Variants in LRMDA observed in about 807,000 individuals in gnomAD.
LRMDA encodes leucine rich melanocyte differentiation associated, also known as leucine-rich melanocyte differentiation-associated protein.
In LRMDA, 18 loss-of-function variants were observed where a neutral mutation model predicts 29.8. The observed-to-expected ratio is 0.60, with a 90% CI of 0.42 to 0.90. The LOEUF (loss-of-function observed/expected upper bound fraction) is 0.90. Among genes scored for constraint, LRMDA ranks in the 40% least tolerant of loss-of-function variants. The probability of loss-of-function intolerance (pLI) is 0.00; values close to 1 mark genes in which losing one functional copy is unlikely to be tolerated. For missense variants in LRMDA, 273 were observed against 273.9 expected, an observed-to-expected ratio of 1.00 and a Z score of 0.02; for synonymous variants, 125 against 109.4, an observed-to-expected ratio of 1.14 and a Z score of -0.89.
chr10:76,514,932 G>C lies in LRMDA; in HGVS notation c.602-42277G>C, dbSNP rs147067725. Among the ~76,000 whole-genome samples the C allele has an allele frequency of 9.8e-3, 1,489 of 152,248 alleles. 16 individuals are homozygous for C. The highest frequency in any genetic ancestry group is 0.015 in the Non-Finnish European group (1,018 of 68,018). On this transcript the variant is annotated intron_variant, in intron 6 of 6. Coordinates refer to ENST00000611255, the MANE Select transcript of LRMDA (RefSeq NM_001305581.2). ...CTACTACCTCTACCTGCACAAGAAC[G>C]AAGAAAGTTCTTGCCTATAAAACTG...
At chr10:75,931,544 C>T (rs994150421) in intron 2 of LRMDA, among the ~76,000 whole-genome samples, 8 of 152,160 alleles carry the variant, frequency 5.3e-5, no homozygotes, top group Admixed American at 2.0e-4. Flanking sequence ...ATGGGATTGC[C>T]AAAATACTTC....
chr10:75,564,366 C>T lies in LRMDA; in HGVS notation c.131+125872C>T, dbSNP rs535904621. Among the ~76,000 whole-genome samples the T allele has an allele frequency of 1.2e-4, 18 of 152,238 alleles. No individual in the cohort carries two copies. The South Asian group carries it at 2.7e-3, about 23-fold the overall frequency. On this transcript the variant is annotated intron_variant, in intron 2 of 6. Transcript: ENST00000611255. ...TGTGGGATATAATCTCCTGGTGTGC[C>T]GTTTTTTAAGCCCTTTGGAAAAGCG...
intron 2 of LRMDA, among the ~76,000 whole-genome samples, chr10:75,772,855 TG>T (rs1311922254): frequency 1.4e-3 from 13 of 9,048 alleles, no homozygotes; most frequent in South Asian, 6.0e-3. Flanking sequence ...TCTTATTTTT[TG>T]GGGGGGGTGG....
intron 6 of LRMDA, among the ~76,000 whole-genome samples, chr10:76,409,799 A>T (rs1841938948): frequency 6.6e-6 from 1 of 152,234 alleles, no homozygotes; most frequent in South Asian, 2.1e-4. Flanking sequence ...AATGCTTGCT[A>T]CTTACTGGGC....
chr10:75,855,218 C>T (rs1486211792), intron 2 of LRMDA, among the ~76,000 whole-genome samples: 3 of 152,236 alleles, frequency 2.0e-5, no homozygotes, highest in African/African-American at 7.2e-5. Flanking sequence ...TCCACATCCT[C>T]TCCAGCACCT....
intron 6 of LRMDA, among the ~76,000 whole-genome samples, chr10:76,392,254 A>G (rs1202807867): frequency 6.6e-6 from 1 of 152,144 alleles, no homozygotes; most frequent in African/African-American, 2.4e-5. Context: ...CAGAGTTGGA[A>G]GGCTTGTAGG....
intron 5 of LRMDA, among the ~76,000 whole-genome samples, chr10:76,132,109 G>A (rs1460646246): frequency 6.6e-6 from 1 of 152,180 alleles, no homozygotes; most frequent in Non-Finnish European, 1.5e-5. Flanking sequence ...GTTAAGAGGA[G>A]TGTGAGGTTA....
At chr10:75,479,612 C>A (rs915169694) in intron 2 of LRMDA, among the ~76,000 whole-genome samples, 8 of 152,218 alleles carry the variant, frequency 5.3e-5, no homozygotes, top group African/African-American at 1.7e-4. Flanking sequence ...TTTACTCACT[C>A]ACTTTATAGA....
At chr10:75,486,906 C>T (rs982892506) in intron 2 of LRMDA, among the ~76,000 whole-genome samples, 1 of 152,220 alleles carries the variant, frequency 6.6e-6, no homozygotes, top group African/African-American at 2.4e-5. Context: ...CTGGTGTGCT[C>T]TCAGCTTTGC....
At position 76,011,445 on chromosome 10, in the gene LRMDA, G is replaced by A. The variant is rs1299935709; in HGVS notation, c.132-24563G>A. On this transcript the variant is annotated intron_variant, in intron 2 of 6. Transcript: ENST00000611255. ...CCCGTACCTCTGGATGCTCTACGGG[G>A]CCATGGAGCCATTGCTGTGAGCCAG... Among the ~76,000 whole-genome samples the A allele has an allele frequency of 2.0e-5, 3 of 152,140 alleles. No individual in the cohort carries two copies. The East Asian group carries it at 5.8e-4, about 29-fold the overall frequency.
At chr10:76,279,133 AT>A (rs1840171294) in intron 5 of LRMDA, among the ~76,000 whole-genome samples, 2 of 152,202 alleles carry the variant, frequency 1.3e-5, no homozygotes, top group African/African-American at 4.8e-5. Context: ...GAGAAATAAA[AT>A]GATAAGGAAT....
intron 5 of LRMDA, among the ~76,000 whole-genome samples, chr10:76,185,610 T>A (rs1216120967): frequency 6.6e-6 from 1 of 152,192 alleles, no homozygotes; most frequent in Non-Finnish European, 1.5e-5. Context: ...CCCTGTCTAT[T>A]CTTAGCATGT....
chr10:76,135,858 T>TAGATG (rs2132143055), intron 5 of LRMDA, among the ~76,000 whole-genome samples: 1 of 152,194 alleles, frequency 6.6e-6, no homozygotes, highest in South Asian at 2.1e-4. Flanking sequence ...GCAAAGGCCC[T>TAGATG]ATTTCCAAAT....
chr10:75,942,080 G>A (rs1340658109), intron 2 of LRMDA, among the ~76,000 whole-genome samples: 4 of 152,140 alleles, frequency 2.6e-5, no homozygotes, highest in Admixed American at 2.6e-4. Context: ...CTGCCAGTGG[G>A]ATGGAGGCTC....
intron 2 of LRMDA, among the ~76,000 whole-genome samples, chr10:75,502,242 A>G (rs1334302704): frequency 2.0e-5 from 3 of 152,132 alleles, no homozygotes; most frequent in Admixed American, 6.5e-5. Context: ...ATTAAGTCCA[A>G]CTGCGTGCCC....
chr10:75,627,886 G>A (rs750447676), intron 2 of LRMDA, among the ~76,000 whole-genome samples: 7 of 152,146 alleles, frequency 4.6e-5, no homozygotes, highest in Non-Finnish European at 7.3e-5. Flanking sequence ...CTTTTAAATC[G>A]CAAAAATAAT....
At chr10:76,308,630 A>T (rs1006737800) in intron 5 of LRMDA, among the ~76,000 whole-genome samples, 5 of 151,934 alleles carry the variant, frequency 3.3e-5, no homozygotes, top group Non-Finnish European at 7.4e-5. Flanking sequence ...TTTCTCACCA[A>T]TCTCTCTCCT....
chr10:76,137,741 C>T (rs1465388871), intron 5 of LRMDA, among the ~76,000 whole-genome samples: 3 of 149,082 alleles, frequency 2.0e-5, no homozygotes, highest in Non-Finnish European at 1.5e-5. Context: ...TATTTTAAAA[C>T]TACTATTTTG....
intron 5 of LRMDA, among the ~76,000 whole-genome samples, chr10:76,068,781 C>T (rs532005390): frequency 1.2e-4 from 18 of 152,128 alleles, no homozygotes; most frequent in Non-Finnish European, 1.9e-4. Context: ...GGTCTGAATG[C>T]GGCTGATATG....
Sources: gnomAD v4.1 joint callset for allele counts (sites outside exome capture counted in the v4.1 genomes callset) on GRCh38, gnomAD v4.1.1 for gene constraint, MANE v1.5 for transcripts, NCBI Gene and HGNC (gene_info 2026-07-23, HGNC 2026-07-21) for gene names.